The following DCTN4 variants were observed in gnomAD, a reference collection of about 807,000 sequenced individuals.
DCTN4 encodes dynactin 4 (p62).
A neutral mutation model predicts 62.7 loss-of-function variants in DCTN4; 23 were observed. The ratio of observed to expected loss-of-function variants is 0.37; its 90% CI spans 0.26 to 0.52. The LOEUF (loss-of-function observed/expected upper bound fraction) is 0.52, where lower values mean the gene tolerates loss of function less well. DCTN4 is among the 20% of genes least tolerant of loss of function. The pLI, the probability that DCTN4 is intolerant of heterozygous loss-of-function variation, is 0.92. For synonymous variants in DCTN4, 199 were observed against 202.1 expected (o/e 0.98, Z 0.13); for missense variants, 514 against 580.4 (o/e 0.89, Z 1.18).
chr5:150,731,023 T>A, intron 7 of DCTN4, 21 bp downstream of exon 7: 1 of 1,406,406 alleles, frequency 7.1e-7, no homozygotes, highest in Non-Finnish European at 1.0e-6. Flanking sequence ...AGAAACAAAG[T>A]AGAAAAACAC....
intron 9 of DCTN4, 120 bp downstream of exon 9, chr5:150,722,787 T>A (rs1163817307): frequency 1.5e-6 from 1 of 662,808 alleles, no homozygotes; most frequent in East Asian, 2.9e-5. Context: ...AATGTCAAGA[T>A]TATTTTGATG....
At chr5:150,740,745 T>C (rs917651325) in intron 4 of DCTN4, among the ~76,000 whole-genome samples, 5 of 152,224 alleles carry the variant, frequency 3.3e-5, no homozygotes, top group East Asian at 1.9e-4. Context: ...TAATAGCATT[T>C]GCAGCAACCT....
chr5:150,748,987 G>T (rs969070593), intron 3 of DCTN4, among the ~76,000 whole-genome samples: 1 of 152,082 alleles, frequency 6.6e-6, no homozygotes, highest in African/African-American at 2.4e-5. Flanking sequence ...AAATGTAAGT[G>T]TTAAAACTAC....
intron 1 of DCTN4, 174 bp downstream of exon 1, chr5:150,758,685 C>A: frequency 7.6e-7 from 1 of 1,308,668 alleles, no homozygotes; most frequent in Non-Finnish European, 1.0e-6. Flanking sequence ...CGAGGCTGCT[C>A]CTCCTTTCCA....
At position 150,738,986 on chromosome 5, in the gene DCTN4, G is replaced by A. The variant is rs142972875; in HGVS notation, c.429+3128C>T. Among the ~76,000 whole-genome samples, 865 of 152,122 alleles carry A rather than the reference G, an allele frequency of 5.7e-3. 8 individuals carry two copies. Among genetic ancestry groups the A allele is most frequent in the African/African-American group, 0.02 (821 of 41,508 alleles). On this transcript the variant is annotated intron_variant, in intron 4 of 12. Transcript: ENST00000447998. Reference sequence around the variant, plus strand: ...AGGTGGACAGATCACTTGAGGTCAGGAGCTCGAGACCAGCCTGGCCAACAT... The same window carrying A: ...AGGTGGACAGATCACTTGAGGTCAGAAGCTCGAGACCAGCCTGGCCAACAT...
intron 4 of DCTN4, chr5:150,736,293 C>T (rs1760579736): frequency 6.6e-6 from 1 of 151,988 alleles, no homozygotes; most frequent in African/African-American, 2.4e-5. Flanking sequence ...AGATCACCAC[C>T]TAGGCACACA....
At chr5:150,725,147 G>A (rs1202330654) in intron 8 of DCTN4, among the ~76,000 whole-genome samples, 1 of 121,186 alleles carries the variant, frequency 8.3e-6, no homozygotes, top group Non-Finnish European at 1.6e-5. Context: ...AACAGAGTGA[G>A]ACTCCGTCTC....
At position 150,748,483 on chromosome 5, in the gene DCTN4, C is replaced by T. The variant is rs942144255; in HGVS notation, c.385+4996G>A. ...AATCATGCTGCTATAAAGACACATG[C>T]ACACATATGTTTATTGCGGCACTAT... is the stretch of plus-strand genomic sequence containing the variant. On this transcript the variant is annotated intron_variant, in intron 3 of 12. Coordinates refer to ENST00000447998, the MANE Select transcript of DCTN4 (RefSeq NM_016221.4). 7.2e-5 allele frequency among the ~76,000 whole-genome samples: 11 copies of T among 151,926 alleles called. No homozygotes were observed. The South Asian group carries it at 1.9e-3, about 26-fold the overall frequency.
chr5:150,758,769 G>A, intron 1 of DCTN4, 90 bp downstream of exon 1: 2 of 1,545,666 alleles, frequency 1.3e-6, no homozygotes, highest in Non-Finnish European at 1.8e-6. Context: ...AGTAAGGAAG[G>A]AAAATAGCTC....
At chr5:150,725,959 A>G (rs1381442457) in intron 8 of DCTN4, among the ~76,000 whole-genome samples, 1 of 152,156 alleles carries the variant, frequency 6.6e-6, no homozygotes, top group African/African-American at 2.4e-5. Context: ...CCGGAGTACA[A>G]TGGCGCAATC....
intron 5 of DCTN4, chr5:150,731,945 CA>C: frequency 6.5e-7 from 1 of 1,546,148 alleles, no homozygotes; most frequent in Non-Finnish European, 8.8e-7. Context: ...GCAACAGAGA[CA>C]AAAAATGCAG....
intron 8 of DCTN4, among the ~76,000 whole-genome samples, chr5:150,728,783 C>T (rs1313149928): frequency 1.3e-5 from 2 of 151,928 alleles, no homozygotes; most frequent in Admixed American, 6.6e-5. Context: ...TTTAGACTGA[C>T]AATGTTTGTC....
In DCTN4 at chr5:150,720,764, C is replaced by A. The variant is rs116398365; in HGVS notation, c.909-994G>T. 4.0e-3 allele frequency among the ~76,000 whole-genome samples: 605 copies of A among 152,256 alleles called. 4 individuals are homozygous for A. The highest frequency in any genetic ancestry group is 0.014 in the African/African-American group (578 of 41,534). ...CAAATGTTGAGATTACAGGCATGAG[C>A]CAAACACCTGGCCTCAGAGCATCTG... On this transcript the variant is annotated intron_variant, in intron 9 of 12. Coordinates refer to ENST00000447998, the MANE Select transcript of DCTN4 (RefSeq NM_016221.4).
chr5:150,745,964 A>C (rs562586501), intron 3 of DCTN4, among the ~76,000 whole-genome samples: 19 of 151,954 alleles, frequency 1.3e-4, no homozygotes, highest in African/African-American at 4.6e-4. Flanking sequence ...AAGGAAATAG[A>C]GACACAAAAA....
Position 150,728,179 on chromosome 5 carries a change from G to GT in DCTN4, c.834+2451dup, listed in dbSNP as rs1760223914. Among the ~76,000 whole-genome samples the GT allele has an allele frequency of 2.0e-5, 3 of 152,256 alleles. 1 individual carries two copies. The South Asian group carries it at 6.2e-4, about 32-fold the overall frequency. On this transcript the variant is annotated intron_variant, in intron 8 of 12. Transcript: ENST00000447998. Reference sequence around the variant, plus strand: ...AAGTGTTCAAAAGAGAAAGTCTTGTGTTATTGAGCATCTTAGCCTATTTAT... The same window carrying GT: ...AAGTGTTCAAAAGAGAAAGTCTTGTGTTTATTGAGCATCTTAGCCTATTTAT...
chr5:150,749,975 G>A (rs886712363), intron 3 of DCTN4, among the ~76,000 whole-genome samples: 2 of 152,000 alleles, frequency 1.3e-5, no homozygotes, highest in Non-Finnish European at 2.9e-5. Context: ...AAGACAGACA[G>A]GAAAGACTGT....
chr5:150,713,779 C>T (rs181247144), intron 12 of DCTN4, among the ~76,000 whole-genome samples: 199 of 151,916 alleles, frequency 1.3e-3, no homozygotes, highest in Non-Finnish European at 2.3e-3. Context: ...GTTATCTCTT[C>T]TCTCTAATAT....
chr5:150,714,239 G>C (rs1392076067), intron 12 of DCTN4, among the ~76,000 whole-genome samples: 2 of 152,146 alleles, frequency 1.3e-5, no homozygotes, highest in Non-Finnish European at 2.9e-5. Context: ...TGTATCTGCT[G>C]GATCGGATGG....
chr5:150,731,560 TTGGGTAGGATAGCA>T (rs1173373560), intron 5 of DCTN4, 71 bp from the exon 6 acceptor site: 1 of 1,275,008 alleles, frequency 7.8e-7, no homozygotes, highest in African/African-American at 1.5e-5. Flanking sequence ...AGAAAGAATT[TTGGGTAGGATAGCA>T]TGAGAAGCTC....
Sources: allele counts gnomAD v4.1 joint callset (sites outside exome capture counted in the v4.1 genomes callset), GRCh38; gene constraint gnomAD v4.1.1; transcripts MANE v1.5; gene names NCBI Gene and HGNC (gene_info 2026-07-23, HGNC 2026-07-21).